PCGF5: variants seen among roughly 807,000 people sequenced by gnomAD.
PCGF5 encodes polycomb group RING finger protein 5.
In PCGF5, 9 loss-of-function variants were observed where a neutral mutation model predicts 44.3. That is an observed-to-expected ratio of 0.20 (90% CI 0.12 to 0.35). PCGF5 has a LOEUF of 0.35. Ranked by LOEUF, PCGF5 falls within the 10% of genes least tolerant of loss-of-function variation. The probability of loss-of-function intolerance (pLI) is 1.00; values close to 1 mark genes in which losing one functional copy is unlikely to be tolerated. For synonymous variants in PCGF5, 95 were observed against 102.5 expected (o/e 0.93, Z 0.44); for missense variants, 146 against 305.3 (o/e 0.48, Z 3.89).
chr10:91,227,852 T>C (rs1844890638), intron 2 of PCGF5: 2 of 980,772 alleles, frequency 2.0e-6, no homozygotes, highest in African/African-American at 1.7e-5. Context: ...AGCTAGCAGT[T>C]ACCCATCCTT....
chr10:91,277,804 A>G (rs1846353326), intron 9 of PCGF5, among the ~76,000 whole-genome samples: 1 of 152,076 alleles, frequency 6.6e-6, no homozygotes, highest in Non-Finnish European at 1.5e-5. Flanking sequence ...ACACTACTCC[A>G]GTTTTACAGG....
At chr10:91,248,366 C>A in intron 3 of PCGF5, 139 bp from the exon 4 acceptor site, 1 of 779,734 alleles carries the variant, frequency 1.3e-6, no homozygotes, top group Non-Finnish European at 2.1e-6. Flanking sequence ...GTTCCATGGA[C>A]AGAAGAGTAT....
chr10:91,226,345 T>G (rs554494507), intron 2 of PCGF5, among the ~76,000 whole-genome samples: 3 of 138,616 alleles, frequency 2.2e-5, no homozygotes, highest in African/African-American at 8.0e-5. Flanking sequence ...AAGGACAGAC[T>G]ATGATATAAT....
At chr10:91,172,722 G>A (rs558031020) in intron 1 of PCGF5, among the ~76,000 whole-genome samples, 6 of 152,298 alleles carry the variant, frequency 3.9e-5, no homozygotes, top group South Asian at 2.1e-4. Context: ...CTTTGTGGCC[G>A]CAGACACATT....
intron 3 of PCGF5, among the ~76,000 whole-genome samples, chr10:91,246,700 A>G (rs960879416): frequency 6.6e-5 from 10 of 152,252 alleles, no homozygotes; most frequent in African/African-American, 2.2e-4. Flanking sequence ...GTAAATGTGT[A>G]AATGAAGGGA....
At chr10:91,269,017 T>C (rs1846112645) in intron 8 of PCGF5, among the ~76,000 whole-genome samples, 1 of 152,172 alleles carries the variant, frequency 6.6e-6, no homozygotes, top group Admixed American at 6.5e-5. Flanking sequence ...AAAAACATGC[T>C]TCTTGATCTT....
intron 1 of PCGF5, among the ~76,000 whole-genome samples, chr10:91,176,469 T>C (rs1442412828): frequency 6.6e-6 from 1 of 152,228 alleles, no homozygotes; most frequent in East Asian, 1.9e-4. Context: ...CCTTGCTAGA[T>C]TGGGGACGTT....
At chr10:91,231,387 C>A (rs945015465) in intron 2 of PCGF5, among the ~76,000 whole-genome samples, 2 of 152,142 alleles carry the variant, frequency 1.3e-5, no homozygotes, top group African/African-American at 4.8e-5. Flanking sequence ...TGAGGTGTTA[C>A]AATTTTAAGT....
Position 91,240,534 on chromosome 10 carries a change from A to C in PCGF5, c.163A>C (p.Arg55=). 6.2e-7 allele frequency: 1 copy of C among 1,612,072 alleles called. No individual in the cohort carries two copies. Among genetic ancestry groups the C allele is most frequent in the Non-Finnish European group, 8.5e-7 (1 of 1,178,860 alleles). Residue 55 remains arginine, a synonymous_variant, in exon 3 of 10, where the codon AGG becomes CGG. Coordinates refer to ENST00000336126, the MANE Select transcript of PCGF5 (RefSeq NM_032373.5). Reference sequence around the variant, plus strand: ...CTTTGAAGATAGCAATGATTGCCCAAGGTGTGGCAACCAAGTTCATGAGAC... The same window carrying C: ...CTTTGAAGATAGCAATGATTGCCCACGGTGTGGCAACCAAGTTCATGAGAC... ...QHFEDSNDCP[R]CGNQVHETNP... is the part of the protein sequence containing the mutation.
At chr10:91,255,566 G>T (rs1433404194) in intron 6 of PCGF5, among the ~76,000 whole-genome samples, 1 of 152,070 alleles carries the variant, frequency 6.6e-6, no homozygotes, top group Non-Finnish European at 1.5e-5. Flanking sequence ...AATGGCTCCA[G>T]ATGTGTAAAG....
intron 1 of PCGF5, among the ~76,000 whole-genome samples, chr10:91,170,431 A>G (rs1244493548): frequency 1.3e-5 from 2 of 152,266 alleles, no homozygotes; most frequent in Non-Finnish European, 1.5e-5. Context: ...TATGCAACCC[A>G]TTTACAAAAT....
chr10:91,273,061 C>T (rs1345407769), intron 9 of PCGF5, among the ~76,000 whole-genome samples: 1 of 152,168 alleles, frequency 6.6e-6, no homozygotes, highest in Non-Finnish European at 1.5e-5. Flanking sequence ...TGGGAATTCT[C>T]GTGCCTTCAT....
chr10:91,208,167 T>C (rs947802964), intron 1 of PCGF5, among the ~76,000 whole-genome samples: 3 of 152,342 alleles, frequency 2.0e-5, no homozygotes, highest in African/African-American at 7.2e-5. Flanking sequence ...TATAATTCTT[T>C]CATTCCTTAC....
At chr10:91,240,281 A>G (rs1213664122) in intron 2 of PCGF5, among the ~76,000 whole-genome samples, 1 of 152,186 alleles carries the variant, frequency 6.6e-6, no homozygotes, top group Non-Finnish European at 1.5e-5. Flanking sequence ...AAAATAATTT[A>G]TGCTTTTTGT....
intron 5 of PCGF5, among the ~76,000 whole-genome samples, chr10:91,250,231 T>C (rs1207394413): frequency 1.3e-5 from 2 of 151,968 alleles, no homozygotes; most frequent in Admixed American, 6.6e-5. Context: ...AGAAAACATG[T>C]AGAAAAAAGA....
intron 2 of PCGF5, among the ~76,000 whole-genome samples, chr10:91,230,719 C>T (rs1589382333): frequency 6.6e-6 from 1 of 152,226 alleles, no homozygotes; most frequent in African/African-American, 2.4e-5. Flanking sequence ...CCCACAGTCT[C>T]AAGCGATCTT....
chr10:91,281,693 G>A lies in PCGF5; in HGVS notation c.*3377G>A, dbSNP rs1166213629. The A allele has an allele frequency of 6.6e-6, 1 of 152,550 alleles. No homozygotes were observed. Among genetic ancestry groups the A allele is most frequent in the Non-Finnish European group, 1.5e-5 (1 of 68,006 alleles). The allele number at this position is 152,550 out of a possible 1,614,324, so 9.4% of individuals were successfully genotyped here. A position where few individuals can be genotyped will look rare whatever the true frequency, so the allele number is the denominator to read the frequency against. ...TTAGATTGCAATTTAATTTTATATA[G>A]TTAGGCAATAACCTTGATTAATTGC... is the stretch of plus-strand genomic sequence containing the variant. On this transcript the variant is annotated 3_prime_UTR_variant, in exon 10 of 10. Transcript: ENST00000336126.
upstream of PCGF5, among the ~76,000 whole-genome samples, chr10:91,159,511 T>C (rs1843354480): frequency 1.3e-5 from 2 of 152,112 alleles, no homozygotes; most frequent in Admixed American, 1.3e-4. Flanking sequence ...AAGGATACCA[T>C]GAGAAGTCAG....
intron 6 of PCGF5, among the ~76,000 whole-genome samples, chr10:91,259,029 G>A (rs1845828760): frequency 6.6e-6 from 1 of 152,090 alleles, no homozygotes. Context: ...TGAGGTTGTG[G>A]AATGTAATTT....
Sources: allele counts gnomAD v4.1 joint callset (sites outside exome capture counted in the v4.1 genomes callset), GRCh38; gene constraint gnomAD v4.1.1; transcripts MANE v1.5; gene names NCBI Gene and HGNC (gene_info 2026-07-23, HGNC 2026-07-21).